KIR3DL1: variants seen among roughly 807,000 people sequenced by gnomAD.
KIR3DL1 encodes killer cell immunoglobulin like receptor, three Ig domains and long cytoplasmic tail 1, also known as killer cell immunoglobulin-like receptor 3DL1.
KIR3DL1 carries 50 observed loss-of-function variants against 40.3 expected under a neutral mutation model. That is an observed-to-expected ratio of 1.24 (90% CI 0.99 to 1.57). The LOEUF (loss-of-function observed/expected upper bound fraction) is 1.57. KIR3DL1 is among the 40% of genes most tolerant of loss of function. The probability of loss-of-function intolerance (pLI) is 0.00; values close to 1 mark genes in which losing one functional copy is unlikely to be tolerated. For synonymous variants in KIR3DL1, 257 were observed against 207.2 expected, an observed-to-expected ratio of 1.24 and a Z score of -2.07; for missense variants, 661 against 559.9, an observed-to-expected ratio of 1.18 and a Z score of -1.82.
rs796089577 is a variant in KIR3DL1 at position 54,822,029 on chromosome 19, A to G, written c.949+171A>G. 2.4e-4 allele frequency among the ~76,000 whole-genome samples: 36 copies of G among 151,198 alleles called. 1 individual carries two copies. The highest frequency in any genetic ancestry group is 8.3e-4 in the African/African-American group (34 of 40,980). Reference sequence around the variant, plus strand: ...ACAGGGCACCTCCAAACCCTCCTTCATGGCCTGCATGGAGGCCTCCGATCA... The same window carrying G: ...ACAGGGCACCTCCAAACCCTCCTTCGTGGCCTGCATGGAGGCCTCCGATCA... On this transcript the variant is annotated intron_variant, in intron 5 of 8. Transcript: ENST00000391728.
chr19:54,816,825 G>T (rs1332371051), intron 1 of KIR3DL1, among the ~76,000 whole-genome samples: 2 of 132,062 alleles, frequency 1.5e-5, no homozygotes, highest in East Asian at 5.0e-4. Flanking sequence ...GGCCTGGAGG[G>T]GAGATGTGGG....
chr19:54,817,662 C>A (rs2273729), intron 2 of KIR3DL1, 93 bp downstream of exon 2: 99,078 of 829,644 alleles, frequency 0.12, 19,698 homozygotes, highest in African/African-American at 0.53. Context: ...GTCTCTCATA[C>A]ACTAGGAAGA....
At chr19:54,817,016 A>G (rs2061378047) in intron 1 of KIR3DL1, among the ~76,000 whole-genome samples, 2 of 109,336 alleles carry the variant, frequency 1.8e-5, no homozygotes, top group African/African-American at 3.7e-5. Flanking sequence ...TAAGGGCATG[A>G]AGTGGAGATC....
chr19:54,820,442 C>T (rs1186655042), intron 4 of KIR3DL1, among the ~76,000 whole-genome samples: 1 of 151,526 alleles, frequency 6.6e-6, no homozygotes, highest in Non-Finnish European at 1.5e-5. Flanking sequence ...CCTTGTGCCA[C>T]CTACAGATGC....
intron 1 of KIR3DL1, 59 bp from the exon 2 acceptor site, chr19:54,817,475 G>C: frequency 1.5e-6 from 2 of 1,347,902 alleles, no homozygotes; most frequent in East Asian, 2.7e-5. Flanking sequence ...CCCAGTGGGG[G>C]CAGCAGGGTG....
intron 2 of KIR3DL1, among the ~76,000 whole-genome samples, 171 bp from the exon 3 acceptor site, chr19:54,818,144 C>T (rs1461941260): frequency 1.4e-5 from 2 of 140,482 alleles, no homozygotes; most frequent in Non-Finnish European, 3.0e-5. Context: ...TCAGCTGACA[C>T]TTGTTGTAGG....
rs1044363859 is a variant in KIR3DL1 at position 54,821,492 on chromosome 19, T to C, written c.656-73T>C. ...TTAGGTCATAGAGCAGGGGAGTGAGTTCTCAGCTCAGGTATGAGGGGAGCT... is the reference window on the plus strand; with the variant it reads ...TTAGGTCATAGAGCAGGGGAGTGAGCTCTCAGCTCAGGTATGAGGGGAGCT... On this transcript the variant is annotated intron_variant, in intron 4 of 8. Transcript: ENST00000391728. 3 of 1,499,954 alleles carry C rather than the reference T, an allele frequency of 2.0e-6. No individual in the cohort carries two copies. In the African/African-American group the frequency reaches 4.3e-5, roughly 22 times the overall value. 92.9% of individuals were successfully genotyped at this position (1,499,954 alleles called of 1,614,324 possible).
chr19:54,827,933 A>G lies in KIR3DL1; in HGVS notation c.1001-1428A>G, dbSNP rs553035097. ...TACTTCCAATCACCTGTGGAAATAC[A>G]GATAGATCATGGGGAGGTAAATGCT... On this transcript the variant is annotated intron_variant, in intron 6 of 8. Coordinates refer to ENST00000391728, the Ensembl canonical transcript of KIR3DL1. Among the ~76,000 whole-genome samples, 20 of 150,330 alleles carry G rather than the reference A, an allele frequency of 1.3e-4. 1 individual carries two copies. The highest frequency in any genetic ancestry group is 2.7e-4 in the Non-Finnish European group (18 of 67,886).
At chr19:54,830,231 C>T (rs1208351938) in exon 9 of KIR3DL1, 1 of 1,524,680 alleles carries the variant, frequency 6.6e-7, no homozygotes, top group Non-Finnish European at 8.9e-7. Context: ...GTACACGGAA[C>T]TTCCAAATGC....
intron 5 of KIR3DL1, among the ~76,000 whole-genome samples, chr19:54,823,129 G>A (rs1353093852): frequency 2.0e-5 from 3 of 150,652 alleles, no homozygotes; most frequent in Non-Finnish European, 4.4e-5. Context: ...GTGCCTCCTA[G>A]GTTCAAATGA....
chr19:54,828,568 T>C (rs1471277202), intron 6 of KIR3DL1, among the ~76,000 whole-genome samples: 1 of 150,954 alleles, frequency 6.6e-6, no homozygotes, highest in Non-Finnish European at 1.5e-5. Context: ...ATTTGCAGTG[T>C]AGCTGGGGGA....
In KIR3DL1 at chr19:54,817,682, C is replaced by T. The variant is rs1490585497; in HGVS notation, c.70+113C>T. 41 of 825,724 alleles carry T rather than the reference C, an allele frequency of 5.0e-5. 6 individuals carry two copies. In the East Asian group the frequency reaches 7.4e-4, roughly 15 times the overall value. 51.1% of individuals were successfully genotyped at this position (825,724 alleles called of 1,614,324 possible). On this transcript the variant is annotated intron_variant, in intron 2 of 8. Transcript: ENST00000391728. ...TCATACACTAGGAAGAGGGGACCCTCGGATGCTCGGCCCACATTTCTGACC... is the reference window on the plus strand; with the variant it reads ...TCATACACTAGGAAGAGGGGACCCTTGGATGCTCGGCCCACATTTCTGACC...
exon 5 of KIR3DL1, chr19:54,821,643 G>T (rs766994260): frequency 6.2e-7 from 1 of 1,609,588 alleles, no homozygotes; most frequent in South Asian, 1.1e-5. Flanking sequence ...TTGTCCTGTA[G>T]CTCCCGGAGC....
rs373387323 is a variant in KIR3DL1, at chr19:54,821,584, T to C, written c.675T>C (p.Ser225=). 1.7e-5 allele frequency: 28 copies of C among 1,606,602 alleles called. 1 individual carries two copies. The highest frequency in any genetic ancestry group is 4.1e-5 in the African/African-American group (3 of 73,978). The stretch of plus-strand genomic sequence containing the variant: ...TTCCAGGTCCATATGAGAAACCTTC[T>C]CTCTCAGCCCAGCCGGGCCCCAAGG... Residue 225 remains serine, a synonymous_variant, in exon 5 of 9, where the codon TCT becomes TCC. Transcript: ENST00000391728.
chr19:54,817,615 G>T (rs1365714300), intron 2 of KIR3DL1, 46 bp downstream of exon 2: 10 of 1,428,250 alleles, frequency 7.0e-6, no homozygotes, highest in East Asian at 2.7e-5. Context: ...CCACATAAGA[G>T]GATTTTCCTG....
At chr19:54,821,701 T>C (rs1196855415) in exon 5 of KIR3DL1, 2 of 1,609,200 alleles carry the variant, frequency 1.2e-6, no homozygotes, top group Admixed American at 1.7e-5. Flanking sequence ...CCCATGAACG[T>C]AGGCTCCCTG....
At chr19:54,819,856 C>A in exon 4 of KIR3DL1, 1 of 1,612,190 alleles carries the variant, frequency 6.2e-7, no homozygotes, top group South Asian at 1.1e-5. Flanking sequence ...CCCCTCACGC[C>A]TCGTTGGACA....
chr19:54,828,105 G>A (rs2062003429), intron 6 of KIR3DL1, among the ~76,000 whole-genome samples: 1 of 150,804 alleles, frequency 6.6e-6, no homozygotes, highest in African/African-American at 2.5e-5. Context: ...CAGCCTCTGA[G>A]GTAGAACAGC....
At position 54,824,893 on chromosome 19, in the gene KIR3DL1, G is replaced by T. The variant is rs879144202; in HGVS notation, c.950-135G>T. 9 of 955,798 alleles carry T rather than the reference G, an allele frequency of 9.4e-6. 1 individual carries two copies. The South Asian group carries it at 1.3e-4, about 14-fold the overall frequency. 59.2% of individuals were successfully genotyped at this position (955,798 alleles called of 1,614,324 possible). On this transcript the variant is annotated intron_variant, in intron 5 of 8. Transcript: ENST00000391728. ...GTGGGCATCGCACACAAAAATTATG[G>T]AGAAGAGGATCCCAAGACTCCCAGG... is the stretch of plus-strand genomic sequence containing the variant.
Sources: allele counts gnomAD v4.1 joint callset (sites outside exome capture counted in the v4.1 genomes callset), GRCh38; gene constraint gnomAD v4.1.1; transcripts MANE v1.5; gene names NCBI Gene and HGNC (gene_info 2026-07-23, HGNC 2026-07-21).